SHISA9: variants seen among roughly 807,000 people sequenced by gnomAD.
SHISA9 encodes the protein shisa family member 9, also known as protein shisa-9.
In SHISA9, 13 loss-of-function variants were observed where a neutral mutation model predicts 38.0. That is an observed-to-expected ratio of 0.34 (90% confidence interval 0.22 to 0.54). SHISA9 has a LOEUF of 0.54. Among genes scored for constraint, SHISA9 ranks in the 20% least tolerant of loss-of-function variants. The pLI, the probability that SHISA9 is intolerant of heterozygous loss-of-function variation, is 0.91. For missense variants in SHISA9, 538 were observed against 575.8 expected (o/e 0.93, Z 0.67); for synonymous variants, 275 against 242.0 (o/e 1.14, Z -1.27).
At chr16:13,360,396 C>T in the SHISA9 span, among the ~76,000 whole-genome samples, 13 of 152,144 alleles carry the variant, frequency 8.5e-5, no homozygotes, top group African/African-American at 3.1e-4. Context: ...CCTACAGATA[C>T]TGGGAGGGAC....
At chr16:13,280,117 C>CTTTTT in the SHISA9 span, among the ~76,000 whole-genome samples, 231 of 102,748 alleles carry the variant, frequency 2.2e-3, no homozygotes, top group African/African-American at 4.0e-3. Flanking sequence ...CTCTCTTTCT[C>CTTTTT]TTTTTTTTTT....
chr16:13,174,120 C>T (rs775418605), intron 2 of SHISA9, among the ~76,000 whole-genome samples: 4 of 152,142 alleles, frequency 2.6e-5, no homozygotes, highest in African/African-American at 4.8e-5. Flanking sequence ...TCTTTACTAA[C>T]TTGATATTTA....
chr16:13,449,097 AT>A, the SHISA9 span, among the ~76,000 whole-genome samples: 1 of 152,224 alleles, frequency 6.6e-6, no homozygotes. Flanking sequence ...CCTCAATGAA[AT>A]ATTTCAAGCC....
At chr16:12,932,880 T>C (rs1162515791) in intron 2 of SHISA9, among the ~76,000 whole-genome samples, 2 of 152,196 alleles carry the variant, frequency 1.3e-5, no homozygotes, top group Admixed American at 1.3e-4. Context: ...AGTGCTGTGA[T>C]TGATTAGCCA....
At chr16:12,937,861 G>T (rs192487509) in intron 2 of SHISA9, among the ~76,000 whole-genome samples, 75 of 151,180 alleles carry the variant, frequency 5.0e-4, no homozygotes, top group African/African-American at 1.7e-3. Context: ...GGATACTGGA[G>T]ACTTTTTTTT....
the SHISA9 span, among the ~76,000 whole-genome samples, chr16:13,462,067 C>G: frequency 2.0e-5 from 3 of 151,364 alleles, no homozygotes; most frequent in Non-Finnish European, 1.5e-5. Flanking sequence ...GACAGGAGTT[C>G]AAGACCAGGC....
At chr16:13,540,437 C>G in the SHISA9 span, among the ~76,000 whole-genome samples, 1 of 152,240 alleles carries the variant, frequency 6.6e-6, no homozygotes, top group South Asian at 2.1e-4. Flanking sequence ...AGCTCCCTTT[C>G]CCATCACAGG....
intron 1 of SHISA9, among the ~76,000 whole-genome samples, chr16:12,904,485 C>G (rs771714594): frequency 5.9e-5 from 9 of 152,094 alleles, no homozygotes; most frequent in Non-Finnish European, 1.0e-4. Context: ...TACCGGTTAC[C>G]CAAGGGCCCA....
intron 2 of SHISA9, among the ~76,000 whole-genome samples, chr16:12,968,143 T>C (rs2072004786): frequency 7.7e-6 from 1 of 129,212 alleles, no homozygotes; most frequent in Non-Finnish European, 1.6e-5. Flanking sequence ...TGACCTGAGG[T>C]GGCACCACTG....
At chr16:13,147,476 T>C (rs2050457559) in intron 2 of SHISA9, among the ~76,000 whole-genome samples, 1 of 147,838 alleles carries the variant, frequency 6.8e-6, no homozygotes, top group African/African-American at 2.5e-5. Flanking sequence ...TTTTTTTTTT[T>C]TTTTTTTTTT....
the SHISA9 span, among the ~76,000 whole-genome samples, chr16:13,339,969 C>T: frequency 7.3e-3 from 1,106 of 152,204 alleles, 16 homozygotes; most frequent in African/African-American, 0.026. Flanking sequence ...GCTATTATTT[C>T]TTTAGAAATG....
intron 2 of SHISA9, among the ~76,000 whole-genome samples, chr16:13,052,455 A>C (rs576161065): frequency 6.6e-6 from 1 of 152,348 alleles, no homozygotes; most frequent in East Asian, 1.9e-4. Context: ...AGTCATTATT[A>C]GGAGAGATTC....
the SHISA9 span, among the ~76,000 whole-genome samples, chr16:13,483,124 G>A: frequency 6.6e-6 from 1 of 152,204 alleles, no homozygotes; most frequent in East Asian, 1.9e-4. Context: ...TGAATAAAGT[G>A]TCAGGGTCTT....
chr16:13,414,611 T>C, the SHISA9 span, among the ~76,000 whole-genome samples: 7 of 151,328 alleles, frequency 4.6e-5, no homozygotes, highest in Non-Finnish European at 8.8e-5. Context: ...TTAATTACCA[T>C]GTTCGTTCGT....
At chr16:13,416,766 GGAAGGAAGGGAA>G in the SHISA9 span, among the ~76,000 whole-genome samples, 174 of 95,446 alleles carry the variant, frequency 1.8e-3, 2 homozygotes, top group African/African-American at 6.1e-3. Flanking sequence ...AAGGAAGGAA[GGAAGGAAGGGAA>G]GGAAGGAAGG....
chr16:13,346,985 T>C, the SHISA9 span, among the ~76,000 whole-genome samples: 1 of 152,240 alleles, frequency 6.6e-6, no homozygotes, highest in South Asian at 2.1e-4. Flanking sequence ...ATTTGTTCTA[T>C]GTAATGTGGC....
intron 2 of SHISA9, among the ~76,000 whole-genome samples, chr16:13,199,969 G>A (rs1239286008): frequency 6.6e-6 from 1 of 152,170 alleles, no homozygotes; most frequent in African/African-American, 2.4e-5. Flanking sequence ...AACATGGGAA[G>A]TTGCCAGTGC....
chr16:13,170,912 C>A (rs540534091), intron 2 of SHISA9, among the ~76,000 whole-genome samples: 6 of 152,168 alleles, frequency 3.9e-5, no homozygotes, highest in Non-Finnish European at 8.8e-5. Context: ...CCGCCTTGGC[C>A]TCCCAAAGTG....
chr16:13,434,406 T>G, the SHISA9 span, among the ~76,000 whole-genome samples: 890 of 152,062 alleles, frequency 5.9e-3, 10 homozygotes, highest in African/African-American at 0.02. Flanking sequence ...TCACACTGTG[T>G]TAGACAAGCT....
Sources: gnomAD v4.1 joint callset for allele counts (sites outside exome capture counted in the v4.1 genomes callset) on GRCh38, gnomAD v4.1.1 for gene constraint, MANE v1.5 for transcripts, NCBI Gene and HGNC (gene_info 2026-07-23, HGNC 2026-07-21) for gene names.